BICDL1: variants seen among roughly 807,000 people sequenced by gnomAD.
The protein encoded by BICDL1 is BICD family-like cargo adapter 1.
In BICDL1, 20 loss-of-function variants were observed where a neutral mutation model predicts 76.8. The ratio of observed to expected loss-of-function variants is 0.26; its 90% CI spans 0.18 to 0.38. The LOEUF is 0.38. BICDL1 is among the 10% of genes least tolerant of loss of function. The pLI, the probability that BICDL1 is intolerant of heterozygous loss-of-function variation, is 1.00. For synonymous variants in BICDL1, 383 were observed against 337.1 expected (o/e 1.14, Z -1.49); for missense variants, 700 against 798.6 (o/e 0.88, Z 1.49).
At chr12:120,025,220 T>G (rs1952270807) in intron 2 of BICDL1, among the ~76,000 whole-genome samples, 2 of 151,892 alleles carry the variant, frequency 1.3e-5, no homozygotes, top group African/African-American at 4.8e-5. Flanking sequence ...CCGGCTAATT[T>G]TTTGTATTTT....
chr12:120,058,373 GA>G (rs1294632643), intron 2 of BICDL1, among the ~76,000 whole-genome samples: 1 of 152,172 alleles, frequency 6.6e-6, no homozygotes, highest in Non-Finnish European at 1.5e-5. Flanking sequence ...AGCTGGACTA[GA>G]TTTGCAGCCC....
chr12:120,087,355 G>A (rs1874511796), intron 8 of BICDL1, among the ~76,000 whole-genome samples: 2 of 152,256 alleles, frequency 1.3e-5, no homozygotes, highest in Admixed American at 1.3e-4. Flanking sequence ...CGGGCGGGGC[G>A]CACTTGCGGT....
chr12:120,003,386 TTTG>T (rs146745480), intron 2 of BICDL1, among the ~76,000 whole-genome samples: 3,533 of 152,200 alleles, frequency 0.023, 147 homozygotes, highest in African/African-American at 0.081. Context: ...ATGGTTGGGT[TTTG>T]TTGTTGTTGT....
chr12:120,032,499 A>G (rs1444744776), intron 2 of BICDL1, among the ~76,000 whole-genome samples: 1 of 152,234 alleles, frequency 6.6e-6, no homozygotes, highest in African/African-American at 2.4e-5. Flanking sequence ...ATTGTAGCCC[A>G]CAGTGATTAC....
At chr12:120,050,595 A>G (rs1207025937) in intron 2 of BICDL1, among the ~76,000 whole-genome samples, 1 of 150,830 alleles carries the variant, frequency 6.6e-6, no homozygotes, top group Non-Finnish European at 1.5e-5. Flanking sequence ...GATGTCTTCT[A>G]ATGCTTAGAA....
chr12:120,011,305 C>A (rs1216725341), intron 2 of BICDL1, among the ~76,000 whole-genome samples: 1 of 152,170 alleles, frequency 6.6e-6, no homozygotes, highest in Non-Finnish European at 1.5e-5. Context: ...GAAATGTAGA[C>A]CAGCTTTTTG....
intron 2 of BICDL1, among the ~76,000 whole-genome samples, chr12:120,004,635 C>T (rs536758531): frequency 4.6e-5 from 7 of 152,160 alleles, no homozygotes; most frequent in Admixed American, 4.6e-4. Flanking sequence ...TCAGGTGAAG[C>T]CAGGAAGTTT....
At chr12:120,021,965 AT>A (rs1480633068) in intron 2 of BICDL1, among the ~76,000 whole-genome samples, 1 of 149,438 alleles carries the variant, frequency 6.7e-6, no homozygotes, top group African/African-American at 2.4e-5. Context: ...AAAATAAAAT[AT>A]AAAAAAATAA....
chr12:120,053,690 C>A (rs1418729533), intron 2 of BICDL1, among the ~76,000 whole-genome samples: 1 of 152,154 alleles, frequency 6.6e-6, no homozygotes, highest in Non-Finnish European at 1.5e-5. Flanking sequence ...CTGAAACTAG[C>A]CTTTTCTCCA....
chr12:120,039,682 T>G (rs1032854212), intron 2 of BICDL1, among the ~76,000 whole-genome samples: 1 of 147,104 alleles, frequency 6.8e-6, no homozygotes, highest in Non-Finnish European at 1.5e-5. Flanking sequence ...ATGGAGGATG[T>G]AGGATTTAAA....
chr12:120,018,200 A>G (rs866090600), intron 2 of BICDL1, among the ~76,000 whole-genome samples: 31 of 152,172 alleles, frequency 2.0e-4, no homozygotes, highest in African/African-American at 6.0e-4. Flanking sequence ...CTGGGATGTG[A>G]TCTGGGCATC....
At chr12:120,033,011 C>T (rs1291981489) in intron 2 of BICDL1, among the ~76,000 whole-genome samples, 2 of 152,150 alleles carry the variant, frequency 1.3e-5, no homozygotes, top group Non-Finnish European at 1.5e-5. Flanking sequence ...TCCCAAAGTG[C>T]TGGGATTACA....
Position 119,998,544 on chromosome 12 carries a change from A to G in BICDL1, c.453A>G (p.Glu151=). Residue 151 remains glutamate (E), a synonymous_variant, in exon 2 of 10, where the codon GAA becomes GAG. Coordinates refer to ENST00000548673, the MANE Select transcript of BICDL1 (RefSeq NM_001367886.1). ...KLEHLEQEKH[E]LRRRFENREG... is the part of the protein sequence containing the mutation. ...AGCACTTAGAGCAAGAGAAACATGA[A>G]TTGAGAAGACGATTTGAGAACCGAG... 1 of 1,611,194 alleles carries G rather than the reference A, an allele frequency of 6.2e-7. No individual in the cohort carries two copies. Among genetic ancestry groups the G allele is most frequent in the Non-Finnish European group, 8.5e-7 (1 of 1,178,704 alleles).
intron 2 of BICDL1, among the ~76,000 whole-genome samples, chr12:120,017,411 G>T (rs756550348): frequency 1.3e-5 from 2 of 152,156 alleles, no homozygotes; most frequent in Non-Finnish European, 2.9e-5. Flanking sequence ...ATAAATGTAA[G>T]TTATTTTGTG....
chr12:120,084,203 C>T lies in BICDL1; in HGVS notation c.1583+3186C>T, dbSNP rs192200870. Among the ~76,000 whole-genome samples, 898 of 152,150 alleles carry T rather than the reference C, an allele frequency of 5.9e-3. 9 individuals are homozygous for T. Among genetic ancestry groups the T allele is most frequent in the African/African-American group, 0.02 (820 of 41,532 alleles). ...ATTTTTAGTAGAGACAGGGTTTCAC[C>T]GTGTTAGTCAGGATGGTCTCGATCT... On this transcript the variant is annotated intron_variant, in intron 8 of 9. Coordinates refer to ENST00000548673, the MANE Select transcript of BICDL1 (RefSeq NM_001367886.1).
chr12:120,082,592 T>G (rs994655502), intron 8 of BICDL1, among the ~76,000 whole-genome samples: 3 of 151,570 alleles, frequency 2.0e-5, no homozygotes, highest in African/African-American at 4.9e-5. Flanking sequence ...TTTTTTTGTT[T>G]GTTTGTTTAA....
At chr12:120,092,588 G>C (rs1344242136) in intron 9 of BICDL1, 1 of 985,354 alleles carries the variant, frequency 1.0e-6, no homozygotes, top group Non-Finnish European at 1.2e-6. Context: ...GGTGGCCCTA[G>C]GGCCTGCCGG....
chr12:120,000,049 G>A (rs1198444041), intron 2 of BICDL1: 1 of 165,166 alleles, frequency 6.1e-6, no homozygotes, highest in African/African-American at 2.4e-5. Flanking sequence ...TGCTTCCTGT[G>A]GTTATTCTGA....
Position 119,990,127 on chromosome 12 carries a change from GC to G in BICDL1, c.261del (p.Gly88AspfsTer15). The part of the protein sequence containing the change: ...QAEPGSLAEG[A>X]GPQPPPSQDP... ...CGAGCCTGGGTCTCTGGCCGAGGGG[GC>G]CGGACCGCAGCCGCCGCCCTCCCAG... is the stretch of plus-strand genomic sequence containing the variant. On this transcript the variant is annotated frameshift_variant, in exon 1 of 10. Transcript: ENST00000548673. LOFTEE classifies it high-confidence loss of function. 1 of 1,550,052 alleles carries G rather than the reference GC, an allele frequency of 6.5e-7. No individual in the cohort carries two copies. Among genetic ancestry groups the G allele is most frequent in the Non-Finnish European group, 8.7e-7 (1 of 1,147,048 alleles).
Sources: gnomAD v4.1 joint callset for allele counts (sites outside exome capture counted in the v4.1 genomes callset) on GRCh38, gnomAD v4.1.1 for gene constraint, MANE v1.5 for transcripts, NCBI Gene and HGNC (gene_info 2026-07-23, HGNC 2026-07-21) for gene names.